The following NNMT variants were observed in gnomAD, a reference collection of about 807,000 sequenced individuals.
NNMT encodes nicotinamide N-methyltransferase.
In NNMT, 10 loss-of-function variants were observed where a neutral mutation model predicts 11.7. The ratio of observed to expected loss-of-function variants is 0.85; its 90% confidence interval spans 0.53 to 1.45. The LOEUF is 1.45. NNMT is among the 40% of genes most tolerant of loss of function. The pLI is 0.00. For synonymous variants in NNMT, 143 were observed against 133.8 expected (o/e 1.07, Z -0.48); for missense variants, 381 against 319.4 (o/e 1.19, Z -1.47).
intron 2 of NNMT, among the ~76,000 whole-genome samples, chr11:114,311,576 C>A (rs1945549307): frequency 6.6e-6 from 1 of 152,158 alleles, no homozygotes. Flanking sequence ...TATTGATCAG[C>A]AACTACTGCA....
chr11:114,263,880 T>C (rs1945101528), intron 2 of NNMT, among the ~76,000 whole-genome samples: 1 of 152,178 alleles, frequency 6.6e-6, no homozygotes, highest in African/African-American at 2.4e-5. Context: ...CATTAGATCA[T>C]CTGGTTCACA....
intron 2 of NNMT, among the ~76,000 whole-genome samples, chr11:114,275,018 T>C (rs528571276): frequency 6.6e-6 from 1 of 152,178 alleles, no homozygotes. Context: ...CCTTGCGTAA[T>C]TTCAGGCACC....
At chr11:114,275,517 C>T (rs1400954242) in intron 2 of NNMT, among the ~76,000 whole-genome samples, 2 of 152,132 alleles carry the variant, frequency 1.3e-5, no homozygotes, top group African/African-American at 4.8e-5. Context: ...GGTTGGCGGT[C>T]CCTAGGCTTG....
chr11:114,301,686 G>A (rs1414197205), intron 2 of NNMT, among the ~76,000 whole-genome samples: 1 of 151,956 alleles, frequency 6.6e-6, no homozygotes, highest in Non-Finnish European at 1.5e-5. Context: ...TACTATAATG[G>A]TGGACACATG....
At chr11:114,262,706 T>C (rs1191305126) in intron 1 of NNMT, 1 of 152,214 alleles carries the variant, frequency 6.6e-6, no homozygotes. Context: ...ACGAAACTTC[T>C]AGGATTCTAG....
chr11:114,298,939 T>A (rs765882274), intron 2 of NNMT, among the ~76,000 whole-genome samples: 36 of 152,216 alleles, frequency 2.4e-4, no homozygotes, highest in Non-Finnish European at 4.9e-4. Flanking sequence ...TCTGACAATA[T>A]CCAGTCTGTT....
chr11:114,286,113 A>G (rs1223587506), intron 2 of NNMT, among the ~76,000 whole-genome samples: 1 of 152,204 alleles, frequency 6.6e-6, no homozygotes, highest in African/African-American at 2.4e-5. Context: ...ATTGAGTACC[A>G]TTTAGCCCCA....
At chr11:114,277,052 C>T (rs1945218424) in intron 2 of NNMT, among the ~76,000 whole-genome samples, 1 of 151,968 alleles carries the variant, frequency 6.6e-6, no homozygotes, top group African/African-American at 2.4e-5. Context: ...GGTGAAACCC[C>T]ATCTCTACAA....
rs55804824 is a variant in NNMT at position 114,298,271 on chromosome 11, C to T, written c.362+113C>T. 3.8e-3 allele frequency: 3,166 copies of T among 830,758 alleles called. 68 individuals carry two copies. The African/African-American group carries it at 0.043, about 11-fold the overall frequency. 51.5% of individuals were successfully genotyped at this position (830,758 alleles called of 1,614,324 possible). A position where few individuals can be genotyped will look rare whatever the true frequency, so the allele number is the denominator to read the frequency against. ...AATCCAAATGGAGAATGAGTGGTAA[C>T]GAGAGAGCGAGAGCAAGAGAGATGA... is the stretch of plus-strand genomic sequence containing the variant. On this transcript the variant is annotated intron_variant, in intron 2 of 2. Coordinates refer to ENST00000299964, the MANE Select transcript of NNMT (RefSeq NM_006169.3).
At chr11:114,260,421 G>C (rs1945068988) in intron 1 of NNMT, among the ~76,000 whole-genome samples, 1 of 152,158 alleles carries the variant, frequency 6.6e-6, no homozygotes, top group African/African-American at 2.4e-5. Context: ...AGAATTTGCT[G>C]GCAACTTTGG....
At chr11:114,310,709 A>G (rs965821665) in intron 2 of NNMT, among the ~76,000 whole-genome samples, 2 of 152,152 alleles carry the variant, frequency 1.3e-5, no homozygotes, top group African/African-American at 4.8e-5. Flanking sequence ...CTGCTCCACA[A>G]TGCTTTGCTG....
chr11:114,312,349 G>A lies in NNMT; in HGVS notation c.667G>A (p.Ala223Thr), dbSNP rs367775594. ...CCCCCTGGGCCGGGAGGCAGTAGAG[G>A]CTGCTGTGAAAGAGGCTGGCTACAC... ...SLPLGREAVE[A>T]AVKEAGYTIE... The change falls in exon 3 of 3, where the codon GCT becomes ACT. Residue 223 changes from alanine to threonine, a missense_variant. Transcript: ENST00000299964. 1.2e-6 allele frequency: 2 copies of A among 1,614,246 alleles called. No homozygotes were observed. Among genetic ancestry groups the A allele is most frequent in the East Asian group, 2.2e-5 (1 of 44,890 alleles).
At chr11:114,292,605 T>C (rs758303226), upstream of NNMT, among the ~76,000 whole-genome samples, 2 of 152,216 alleles carry the variant, frequency 1.3e-5, no homozygotes, top group Non-Finnish European at 2.9e-5. Flanking sequence ...GGAAATAACA[T>C]GTTTTTCTTT....
intron 2 of NNMT, among the ~76,000 whole-genome samples, chr11:114,277,905 G>A (rs1242033133): frequency 1.3e-5 from 2 of 152,160 alleles, no homozygotes; most frequent in African/African-American, 2.4e-5. Flanking sequence ...GTTGCAACAC[G>A]TAAGCCCTTG....
At chr11:114,292,067 G>T (rs1040308245), upstream of NNMT, among the ~76,000 whole-genome samples, 5 of 152,012 alleles carry the variant, frequency 3.3e-5, no homozygotes, top group African/African-American at 1.2e-4. Context: ...ATGTCTCTTA[G>T]CTTTCTCTTT....
chr11:114,278,031 A>G (rs1363962853), intron 2 of NNMT, among the ~76,000 whole-genome samples: 2 of 152,188 alleles, frequency 1.3e-5, no homozygotes, highest in Non-Finnish European at 2.9e-5. Context: ...GTTGGCTGCT[A>G]TGTTAGTCCA....
At chr11:114,288,220 T>A (rs1945312084) in intron 2 of NNMT, among the ~76,000 whole-genome samples, 1 of 152,210 alleles carries the variant, frequency 6.6e-6, no homozygotes, top group Admixed American at 6.5e-5. Flanking sequence ...TAACCTTTTT[T>A]TAACCTGCCG....
intron 2 of NNMT, among the ~76,000 whole-genome samples, chr11:114,267,990 A>G (rs1234175595): frequency 6.6e-6 from 1 of 152,182 alleles, no homozygotes; most frequent in African/African-American, 2.4e-5. Context: ...CTTAAGTTTC[A>G]TTTTCCCCAT....
intron 2 of NNMT, among the ~76,000 whole-genome samples, chr11:114,300,415 A>G (rs908519285): frequency 3.9e-5 from 6 of 152,086 alleles, no homozygotes; most frequent in African/African-American, 1.4e-4. Flanking sequence ...TTGTAGTCAG[A>G]GATTTATTTT....
Sources: allele counts gnomAD v4.1 joint callset (sites outside exome capture counted in the v4.1 genomes callset), GRCh38; gene constraint gnomAD v4.1.1; transcripts MANE v1.5; gene names NCBI Gene and HGNC (gene_info 2026-07-23, HGNC 2026-07-21).